Variants in PTPRT observed in about 807,000 individuals in gnomAD.
PTPRT encodes the protein receptor-type tyrosine-protein phosphatase T.
A neutral mutation model predicts 176.8 loss-of-function variants in PTPRT; 56 were observed. That is an observed-to-expected ratio of 0.32 (90% CI 0.26 to 0.40). The LOEUF (loss-of-function observed/expected upper bound fraction) is 0.40. Ranked by LOEUF, PTPRT falls within the 10% of genes least tolerant of loss-of-function variation. The pLI, the probability that PTPRT is intolerant of heterozygous loss-of-function variation, is 1.00. For synonymous variants in PTPRT, 783 were observed against 739.0 expected (o/e 1.06, Z -0.96); for missense variants, 1,540 against 1,908.2 (o/e 0.81, Z 3.60).
intron 1 of PTPRT, among the ~76,000 whole-genome samples, chr20:43,099,618 A>G (rs1029177677): frequency 6.6e-6 from 1 of 152,114 alleles, no homozygotes; most frequent in African/African-American, 2.4e-5. Flanking sequence ...TTCCACCTTT[A>G]CAAATGGCAC....
chr20:42,206,899 A>C (rs1427221201), intron 15 of PTPRT, among the ~76,000 whole-genome samples: 3 of 152,226 alleles, frequency 2.0e-5, no homozygotes, highest in Non-Finnish European at 4.4e-5. Context: ...CCTGTCTGAC[A>C]GCTTTGAAGA....
intron 12 of PTPRT, among the ~76,000 whole-genome samples, chr20:42,298,416 G>A (rs1351664379): frequency 1.3e-5 from 2 of 152,140 alleles, no homozygotes; most frequent in African/African-American, 4.8e-5. Context: ...TACCCTTAAG[G>A]AAGGAAATTT....
chr20:42,186,807 T>C (rs1990801032), intron 16 of PTPRT, among the ~76,000 whole-genome samples: 1 of 152,096 alleles, frequency 6.6e-6, no homozygotes, highest in African/African-American at 2.4e-5. Flanking sequence ...TAAGAGATGA[T>C]GATGACTTGG....
chr20:42,755,259 C>G (rs1338414080), intron 6 of PTPRT, among the ~76,000 whole-genome samples: 1 of 152,246 alleles, frequency 6.6e-6, no homozygotes, highest in East Asian at 1.9e-4. Flanking sequence ...CTGCAACCCC[C>G]AGTCCAGTTG....
chr20:42,296,368 C>A (rs2057386417), intron 12 of PTPRT, among the ~76,000 whole-genome samples: 1 of 151,800 alleles, frequency 6.6e-6, no homozygotes, highest in South Asian at 2.1e-4. Context: ...ATTGCTTGAA[C>A]CTGGGAGGCA....
At chr20:43,157,918 G>A (rs938826036) in intron 1 of PTPRT, among the ~76,000 whole-genome samples, 1 of 152,184 alleles carries the variant, frequency 6.6e-6, no homozygotes. Context: ...AACAAAAACT[G>A]TGGTTTTGCT....
intron 1 of PTPRT, among the ~76,000 whole-genome samples, chr20:43,014,132 A>G (rs758088025): frequency 5.3e-5 from 8 of 152,162 alleles, no homozygotes; most frequent in Non-Finnish European, 1.0e-4. Flanking sequence ...TGGGAAAAAC[A>G]CATCTATTCT....
intron 11 of PTPRT, among the ~76,000 whole-genome samples, chr20:42,335,327 A>G (rs1302375667): frequency 6.6e-6 from 1 of 152,176 alleles, no homozygotes; most frequent in Non-Finnish European, 1.5e-5. Context: ...TCCGCCTCCA[A>G]AAGCACAGCA....
intron 1 of PTPRT, among the ~76,000 whole-genome samples, chr20:43,018,612 G>T (rs983342364): frequency 1.4e-4 from 22 of 152,176 alleles, no homozygotes; most frequent in African/African-American, 5.1e-4. Context: ...TATGATAAAA[G>T]GTTAATATCC....
chr20:42,402,483 T>TAAAAAAAAAAAAAAAAAAAAAAA (rs3061921), intron 9 of PTPRT, among the ~76,000 whole-genome samples: 1 of 95,156 alleles, frequency 1.1e-5, no homozygotes, highest in Non-Finnish European at 2.0e-5. Flanking sequence ...ATAGTGCAGT[T>TAAAAAAAAAAAAAAAAAAAAAAA]AAAAAAAAAA....
intron 1 of PTPRT, among the ~76,000 whole-genome samples, chr20:43,122,620 C>T (rs2013303220): frequency 6.6e-6 from 1 of 152,174 alleles, no homozygotes; most frequent in African/African-American, 2.4e-5. Flanking sequence ...CATCCAAGAT[C>T]TGGTTGTTTT....
At chr20:42,816,450 T>C (rs1368831386) in intron 2 of PTPRT, among the ~76,000 whole-genome samples, 1 of 152,172 alleles carries the variant, frequency 6.6e-6, no homozygotes, top group African/African-American at 2.4e-5. Context: ...CTGACTGATA[T>C]GGTTTGGCTC....
chr20:42,731,226 A>T (rs2076455565), intron 6 of PTPRT, among the ~76,000 whole-genome samples: 1 of 152,182 alleles, frequency 6.6e-6, no homozygotes, highest in Non-Finnish European at 1.5e-5. Context: ...TGGTTCTGGC[A>T]CCAGACGTTC....
At chr20:42,047,814 T>C in the PTPRT span, among the ~76,000 whole-genome samples, 2 of 152,186 alleles carry the variant, frequency 1.3e-5, no homozygotes, top group Non-Finnish European at 2.9e-5. Flanking sequence ...CTTTTTGTAT[T>C]GAAGGAGGCA....
At chr20:42,558,815 C>T (rs1202280786) in intron 7 of PTPRT, among the ~76,000 whole-genome samples, 7 of 152,136 alleles carry the variant, frequency 4.6e-5, no homozygotes, top group Admixed American at 4.6e-4. Context: ...TCCATGCCAG[C>T]TTGTGGCTGA....
chr20:42,905,780 A>G (rs2079468477), intron 1 of PTPRT, among the ~76,000 whole-genome samples: 1 of 152,170 alleles, frequency 6.6e-6, no homozygotes, highest in African/African-American at 2.4e-5. Flanking sequence ...TCATGGATGA[A>G]GCTAGAAACC....
intron 1 of PTPRT, among the ~76,000 whole-genome samples, chr20:43,029,719 A>T (rs146586328): frequency 7.2e-5 from 11 of 152,368 alleles, no homozygotes; most frequent in African/African-American, 2.4e-4. Context: ...GCTTGGCCTT[A>T]TGATTTCTGG....
At chr20:42,344,110 G>C (rs1173519122) in intron 11 of PTPRT, among the ~76,000 whole-genome samples, 1 of 152,178 alleles carries the variant, frequency 6.6e-6, no homozygotes, top group Admixed American at 6.5e-5. Context: ...ATGTTGGCCA[G>C]GCTGGTTTTG....
In PTPRT at chr20:42,218,155, C is replaced by T. The variant is rs184209707; in HGVS notation, c.2342+18074G>A. On this transcript the variant is annotated intron_variant, in intron 15 of 30. Transcript: ENST00000373187. Reference sequence around the variant, plus strand: ...TGGTTCAGTAAATTATAGTGCATCCCCTGGATGGAATATTATGCAGCCATT... The same window carrying T: ...TGGTTCAGTAAATTATAGTGCATCCTCTGGATGGAATATTATGCAGCCATT... Among the ~76,000 whole-genome samples, 368 of 152,196 alleles carry T rather than the reference C, an allele frequency of 2.4e-3. 3 individuals carry two copies. Among genetic ancestry groups the T allele is most frequent in the Non-Finnish European group, 3.0e-3 (206 of 68,018 alleles).
Sources: allele counts gnomAD v4.1 joint callset (sites outside exome capture counted in the v4.1 genomes callset), GRCh38; gene constraint gnomAD v4.1.1; transcripts MANE v1.5; gene names NCBI Gene and HGNC (gene_info 2026-07-23, HGNC 2026-07-21).